DUOX1: variants seen among roughly 807,000 people sequenced by gnomAD.
DUOX1 encodes the protein dual oxidase 1, also known as NADPH thyroid oxidase 1.
In DUOX1, 134 loss-of-function variants were observed where a neutral mutation model predicts 181.8. That is an observed-to-expected ratio of 0.74 (90% CI 0.64 to 0.85). The LOEUF (loss-of-function observed/expected upper bound fraction) is 0.85. DUOX1 is among the 40% of genes least tolerant of loss of function. The pLI is 0.00. For missense variants in DUOX1, 1,814 were observed against 2,064.4 expected, an observed-to-expected ratio of 0.88 and a Z score of 2.35; for synonymous variants, 798 against 832.5, an observed-to-expected ratio of 0.96 and a Z score of 0.71.
At position 45,161,911 on chromosome 15, in the gene DUOX1, A is replaced by T. The variant is rs147911618; in HGVS notation, c.4030A>T (p.Thr1344Ser). The change falls in exon 30 of 34, where the codon ACT (threonine) becomes TCT (serine). Residue 1344 changes from threonine (T) to serine (S), a missense_variant. Coordinates refer to ENST00000389037, the MANE Select transcript of DUOX1 (RefSeq NM_175940.3). ...LHIRAAGPWT[T>S]RLREIYSAPT... ...CATCCGGGCAGCAGGGCCCTGGACC[A>T]CTCGCCTCAGGGAGATCTACTCAGC... 1.2e-5 allele frequency: 19 copies of T among 1,613,612 alleles called. No individual in the cohort carries two copies. Among genetic ancestry groups the T allele is most frequent in the Non-Finnish European group, 1.6e-5 (19 of 1,179,950 alleles).
In DUOX1 at chr15:45,163,563, G is replaced by C; in HGVS notation, c.4280G>C (p.Arg1427Pro). ...TTCATCTGGGTGACGCGGACCCAGC[G>C]TCAGTTTGAGTGGCTGGCTGACATC... is the stretch of plus-strand genomic sequence containing the variant. Reference protein sequence around the residue: ...IYFIWVTRTQRQFEWLADIIR... With the variant: ...IYFIWVTRTQPQFEWLADIIR... Residue 1427 changes from arginine (R) to proline (P), a missense_variant, in exon 32 of 34, where the codon CGT becomes CCT. Coordinates refer to ENST00000389037, the MANE Select transcript of DUOX1 (RefSeq NM_175940.3). 3 of 1,614,138 alleles carry C rather than the reference G, an allele frequency of 1.9e-6. No homozygotes were observed. Among genetic ancestry groups the C allele is most frequent in the East Asian group, 2.2e-5 (1 of 44,866 alleles).
Position 45,162,293 on chromosome 15 carries a change from G to T in DUOX1, c.4164G>T (p.Gly1388=), listed in dbSNP as rs145199822. 6 of 1,613,882 alleles carry T rather than the reference G, an allele frequency of 3.7e-6. No individual in the cohort carries two copies. Among genetic ancestry groups the T allele is most frequent in the Non-Finnish European group, 5.1e-6 (6 of 1,179,910 alleles). Residue 1388 remains glycine, a synonymous_variant, in exon 31 of 34, where the codon GGG becomes GGT. Coordinates refer to ENST00000389037, the MANE Select transcript of DUOX1 (RefSeq NM_175940.3). The part of the protein sequence containing the change: ...HKFEVSVLVG[G]GIGVTPFASI... Reference sequence around the variant, plus strand: ...TTGAGGTGTCAGTGTTAGTGGGAGGGGGCATTGGGGTCACCCCTTTTGCCT... The same window carrying T: ...TTGAGGTGTCAGTGTTAGTGGGAGGTGGCATTGGGGTCACCCCTTTTGCCT...
rs35506541 is a variant in DUOX1 at position 45,161,415 on chromosome 15, CAAA to C, written c.3857-300_3857-298del. Among the ~76,000 whole-genome samples the C allele has an allele frequency of 2.3e-4, 11 of 48,202 alleles. No individual in the cohort carries two copies. In the East Asian group the frequency reaches 3.7e-3, roughly 16 times the overall value. The allele number at this position is 48,202 out of a possible 152,430, so 31.6% of individuals were successfully genotyped here. ...GCCTGGCAACAGAGTGAGACTGTGTCAAAAAAAAAAAAAAAAAAAAAAAAAGGA... is the reference window on the plus strand; with the variant it reads ...GCCTGGCAACAGAGTGAGACTGTGTCAAAAAAAAAAAAAAAAAAAAAAGGA... On this transcript the variant is annotated intron_variant, in intron 29 of 33. Coordinates refer to ENST00000389037, the MANE Select transcript of DUOX1 (RefSeq NM_175940.3).
chr15:45,132,771 C>T (rs1896186229), intron 2 of DUOX1, among the ~76,000 whole-genome samples: 1 of 152,196 alleles, frequency 6.6e-6, no homozygotes. Context: ...TTTGGATTTC[C>T]CTTTTTTCCC....
At position 45,144,172 on chromosome 15, in the gene DUOX1, C is replaced by T. The variant is rs763543679; in HGVS notation, c.2073C>T (p.Phe691=). Residue 691 remains phenylalanine, a synonymous_variant, in exon 17 of 34, where the codon TTC becomes TTT. Coordinates refer to ENST00000389037, the MANE Select transcript of DUOX1 (RefSeq NM_175940.3). The stretch of plus-strand genomic sequence containing the variant: ...TGCAGCCTCCACAGAAGGTCAACTT[C>T]GTCCTGTCCAGCAACCGTGGACGCC... The part of the protein sequence containing the change: ...IQLQPPQKVN[F]VLSSNRGRRT... The T allele has an allele frequency of 9.3e-6, 15 of 1,614,048 alleles. No homozygotes were observed. The East Asian group carries it at 1.8e-4, about 19-fold the overall frequency.
Position 45,151,951 on chromosome 15 carries a change from T to C in DUOX1, c.3092T>C (p.Val1031Ala), listed in dbSNP as rs779185514. 6.2e-7 allele frequency: 1 copy of C among 1,612,988 alleles called. No homozygotes were observed. Among genetic ancestry groups the C allele is most frequent in the Non-Finnish European group, 8.5e-7 (1 of 1,179,822 alleles). ...CAACGCAGCTGTCTCCACCAGACGGTGCAACAGTTCAAGCGCTTCATTGAG... is the reference window on the plus strand; with the variant it reads ...CAACGCAGCTGTCTCCACCAGACGGCGCAACAGTTCAAGCGCTTCATTGAG... ...KFQRSCLHQT[V>A]QQFKRFIENY... The change falls in exon 24 of 34, where the codon GTG (valine) becomes GCG (alanine). Residue 1031 changes from valine to alanine, a missense_variant. Val to Ala is a moderately conservative substitution (Grantham distance 64). Transcript: ENST00000389037.
At chr15:45,154,903 C>T (rs557304722) in intron 27 of DUOX1, among the ~76,000 whole-genome samples, 22 of 152,320 alleles carry the variant, frequency 1.4e-4, no homozygotes, top group Admixed American at 6.5e-5. Flanking sequence ...AGAGGAGGGG[C>T]CTCCCACCAA....
Position 45,142,055 on chromosome 15 carries a change from G to A in DUOX1, c.1765G>A (p.Glu589Lys), listed in dbSNP as rs748974995. ...CAPSVVRDYF[E>K]GSGFGFGVTI... ...TCCCTCTGTTGTTCGTGACTATTTT[G>A]AGGGCAGTGGATTTGGCTTCGGGGT... Residue 589 changes from glutamate (E) to lysine (K), a missense_variant, in exon 15 of 34, where the codon GAG (glutamate) becomes AAG (lysine). Glu to Lys is a moderately conservative substitution (Grantham distance 56, BLOSUM62 1). Around this residue, in one of 5 missense-constraint regions of DUOX1, gnomAD observed 1,064 missense variants for 1,152.9 expected, o/e 0.92. Transcript: ENST00000389037. 6.2e-6 allele frequency: 10 copies of A among 1,613,942 alleles called. No individual in the cohort carries two copies. Among genetic ancestry groups the A allele is most frequent in the African/African-American group, 2.7e-5 (2 of 74,918 alleles).
intron 12 of DUOX1, chr15:45,139,824 T>C: frequency 1.6e-6 from 1 of 624,254 alleles, no homozygotes; most frequent in East Asian, 2.8e-5. Flanking sequence ...CAAGCGTGTA[T>C]TAAGCATCTA....
rs145770588 is a variant in DUOX1 at position 45,163,553 on chromosome 15, C to T, written c.4270C>T (p.Arg1424Trp). The change falls in exon 32 of 34, where the codon CGG becomes TGG. Residue 1424 changes from arginine to tryptophan, a missense_variant. Transcript: ENST00000389037. ...CKKIYFIWVT[R>W]TQRQFEWLAD... ...CCAGATCTACTTCATCTGGGTGACGCGGACCCAGCGTCAGTTTGAGTGGCT... is the reference window on the plus strand; with the variant it reads ...CCAGATCTACTTCATCTGGGTGACGTGGACCCAGCGTCAGTTTGAGTGGCT... 34 of 1,614,120 alleles carry T rather than the reference C, an allele frequency of 2.1e-5. No homozygotes were observed. The African/African-American group carries it at 3.3e-4, about 16-fold the overall frequency.
intron 9 of DUOX1, 98 bp downstream of exon 9, chr15:45,136,723 T>A: frequency 8.9e-7 from 1 of 1,118,204 alleles, no homozygotes; most frequent in Non-Finnish European, 1.3e-6. Context: ...ATTATCAGTC[T>A]GAAGTGTCCC....
chr15:45,137,761 T>C (rs548094412), intron 9 of DUOX1, among the ~76,000 whole-genome samples, 163 bp from the exon 10 acceptor site: 15 of 152,162 alleles, frequency 9.9e-5, no homozygotes, highest in Admixed American at 9.2e-4. Context: ...GATGGGACCT[T>C]CCAAAAGTCA....
rs757026125 is a variant in DUOX1 at position 45,135,204 on chromosome 15, C to T, written c.408C>T (p.Pro136=). 1.2e-5 allele frequency: 19 copies of T among 1,613,758 alleles called. No homozygotes were observed. Among genetic ancestry groups the T allele is most frequent in the South Asian group, 1.1e-5 (1 of 91,086 alleles). ...RIPPGDPMFD[P]DQRGDVVLPF... ...CGCCCGGAGACCCCATGTTCGACCC[C>T]GACCAGCGCGGGGACGTGGTGCTGC... The change falls in exon 5 of 34, where the codon CCC becomes CCT. Residue 136 remains proline, a synonymous_variant. Transcript: ENST00000389037.
intron 27 of DUOX1, among the ~76,000 whole-genome samples, chr15:45,154,956 T>G (rs1896933343): frequency 6.6e-6 from 1 of 152,202 alleles, no homozygotes; most frequent in Non-Finnish European, 1.5e-5. Context: ...GCAGGGACAG[T>G]GTGGTCCTGG....
chr15:45,131,850 G>C, intron 1 of DUOX1, 68 bp from the exon 2 acceptor site: 1 of 1,120,486 alleles, frequency 8.9e-7, no homozygotes, highest in Non-Finnish European at 1.3e-6. Flanking sequence ...GATTCACAGA[G>C]GCCTGCAGAG....
At chr15:45,153,531 T>A in intron 26 of DUOX1, 52 bp downstream of exon 26, 1 of 771,372 alleles carries the variant, frequency 1.3e-6, no homozygotes. Context: ...TGTGTGTGTG[T>A]GTGTGTGTGT....
intron 8 of DUOX1, 48 bp downstream of exon 8, chr15:45,136,458 G>A (rs780764073): frequency 2.5e-6 from 4 of 1,614,070 alleles, no homozygotes; most frequent in Non-Finnish European, 3.4e-6. Context: ...GTGTCTTGCG[G>A]GGTGGGGTGG....
Position 45,151,162 on chromosome 15 carries a change from C to G in DUOX1, c.2928C>G (p.Asp976Glu), listed in dbSNP as rs1476666158. 3 of 1,614,086 alleles carry G rather than the reference C, an allele frequency of 1.9e-6. No homozygotes were observed. In the Admixed American group the frequency reaches 5.0e-5, roughly 27 times the overall value. The change falls in exon 23 of 34, where the codon GAC (aspartate) becomes GAG (glutamate). Residue 976 changes from aspartate (D) to glutamate (E), a missense_variant. By Grantham distance (45) the Asp-to-Glu change is conservative (BLOSUM62 2). Transcript: ENST00000389037. Reference protein sequence around the residue: ...PRVSARCSRSDIETELTPQRL... With the variant: ...PRVSARCSRSEIETELTPQRL... ...TGAGTGCCCGCTGTTCCCGCAGCGA[C>G]ATTGAGACTGAGTTGACACCTCAGA...
chr15:45,139,704 T>A, intron 12 of DUOX1, 105 bp downstream of exon 12: 1 of 1,258,140 alleles, frequency 7.9e-7, no homozygotes, highest in Non-Finnish European at 1.1e-6. Flanking sequence ...GACAAGCACC[T>A]AATGGGAGGG....
Sources: allele counts gnomAD v4.1 joint callset (sites outside exome capture counted in the v4.1 genomes callset), GRCh38; gene constraint gnomAD v4.1.1; regional missense constraint gnomAD v4.1.1; transcripts MANE v1.5; gene names NCBI Gene and HGNC (gene_info 2026-07-23, HGNC 2026-07-21).